MICAL2: variants seen among roughly 807,000 people sequenced by gnomAD.
MICAL2 encodes microtubule associated monooxygenase, calponin and LIM domain containing 2.
MICAL2 carries 77 observed loss-of-function variants against 127.3 expected under a neutral mutation model. That is an observed-to-expected ratio of 0.60 (90% CI 0.50 to 0.73). The LOEUF is 0.73. MICAL2 is among the 30% of genes least tolerant of loss of function. The pLI is 0.00. For synonymous variants in MICAL2, 570 were observed against 551.1 expected (o/e 1.03, Z -0.48); for missense variants, 1,351 against 1,434.4 (o/e 0.94, Z 0.94).
intron 8 of MICAL2, among the ~76,000 whole-genome samples, 182 bp from the exon 9 acceptor site, chr11:12,220,019 C>T (rs567390821): frequency 3.3e-5 from 5 of 152,316 alleles, no homozygotes; most frequent in South Asian, 2.1e-4. Flanking sequence ...TAATCACAAC[C>T]GTGTTAACCC....
intron 3 of MICAL2, among the ~76,000 whole-genome samples, chr11:12,163,401 TC>T (rs1211407957): frequency 6.6e-6 from 1 of 152,128 alleles, no homozygotes; most frequent in Admixed American, 6.6e-5. Flanking sequence ...CCGGTGCCAA[TC>T]CCGGGACAAG....
chr11:12,191,404 G>A (rs1237226328), intron 3 of MICAL2, among the ~76,000 whole-genome samples: 2 of 151,674 alleles, frequency 1.3e-5, no homozygotes, highest in Admixed American at 6.6e-5. Flanking sequence ...CCTGGAAGGC[G>A]GAGGTTGCAG....
At chr11:12,281,250 G>C (rs1333201809) in intron 2 of MICAL2, among the ~76,000 whole-genome samples, 1 of 152,204 alleles carries the variant, frequency 6.6e-6, no homozygotes, top group African/African-American at 2.4e-5. Context: ...GGAGTGGGAC[G>C]CAAGTGGCAG....
At chr11:12,339,927 C>T (rs1938832235) in intron 32 of MICAL2, among the ~76,000 whole-genome samples, 2 of 152,232 alleles carry the variant, frequency 1.3e-5, no homozygotes, top group Admixed American at 6.5e-5. Context: ...TGCCCGTTCT[C>T]AGTTCTCAAG....
At position 12,188,602 on chromosome 11, in the gene MICAL2, T is replaced by A. The variant is rs78906534; in HGVS notation, c.265-15648T>A. 5.9e-3 allele frequency among the ~76,000 whole-genome samples: 903 copies of A among 152,286 alleles called. 10 individuals are homozygous for A. The highest frequency in any genetic ancestry group is 0.021 in the African/African-American group (881 of 41,556). ...CCCAGTTCTATTGTATAGCACTGTT[T>A]TACTCTCACTTTTGATGAACCAATC... On this transcript the variant is annotated intron_variant, in intron 3 of 27. Transcript: ENST00000683283.
chr11:12,341,188 C>A (rs1267645189), intron 32 of MICAL2, among the ~76,000 whole-genome samples: 1 of 152,152 alleles, frequency 6.6e-6, no homozygotes, highest in Non-Finnish European at 1.5e-5. Context: ...AGGGGAGAGG[C>A]CCTGCACAGT....
intron 27 of MICAL2, 65 bp downstream of exon 27, chr11:12,262,602 G>T: frequency 7.5e-7 from 1 of 1,336,510 alleles, no homozygotes; most frequent in Non-Finnish European, 1.1e-6. Context: ...TCCGCACCCC[G>T]TCCTCTCCGC....
downstream of MICAL2, among the ~76,000 whole-genome samples, chr11:12,290,906 C>G (rs1863889778): frequency 6.6e-6 from 1 of 152,128 alleles, no homozygotes; most frequent in Non-Finnish European, 1.5e-5. Context: ...TGGGATGGGA[C>G]TTGGGTTTGG....
In MICAL2 at chr11:12,220,446, C is replaced by T. The variant is rs1188779878; in HGVS notation, c.1194C>T (p.Asp398=). 11 of 1,609,350 alleles carry T rather than the reference C, an allele frequency of 6.8e-6. No homozygotes were observed. The highest frequency in any genetic ancestry group is 9.3e-6 in the Non-Finnish European group (11 of 1,179,926). Residue 398 remains aspartate, a synonymous_variant, in exon 9 of 28, where the codon GAC becomes GAT. Transcript: ENST00000683283. ...AHQLLVALVG[D]SLLEPFWPMG... The stretch of plus-strand genomic sequence containing the variant: ...AGCTGCTCGTGGCCCTTGTGGGTGA[C>T]AGCTTGCTTGAGGTACTGCCTGAGC...
chr11:12,164,653 A>G (rs1216337797), intron 3 of MICAL2, among the ~76,000 whole-genome samples: 1 of 152,200 alleles, frequency 6.6e-6, no homozygotes, highest in Non-Finnish European at 1.5e-5. Flanking sequence ...AAAGGCTGGA[A>G]TCTGTCTCTT....
downstream of MICAL2, chr11:12,293,989 G>T: frequency 1.2e-6 from 2 of 1,614,206 alleles, no homozygotes; most frequent in Non-Finnish European, 1.7e-6. Context: ...TCACTCAGGA[G>T]CAGAAGACCA....
intron 32 of MICAL2, among the ~76,000 whole-genome samples, chr11:12,344,972 T>C (rs1453780161): frequency 2.6e-4 from 39 of 149,904 alleles, no homozygotes; most frequent in Non-Finnish European, 8.9e-5. Context: ...AATTAGCTGG[T>C]GTTGTGGTGG....
At chr11:12,132,114 A>C (rs1851466760) in intron 1 of MICAL2, among the ~76,000 whole-genome samples, 1 of 152,128 alleles carries the variant, frequency 6.6e-6, no homozygotes, top group African/African-American at 2.4e-5. Context: ...GCTCTGAGGC[A>C]ACACCCATCC....
chr11:12,186,210 G>A (rs1027635850), intron 3 of MICAL2, among the ~76,000 whole-genome samples: 11 of 152,204 alleles, frequency 7.2e-5, no homozygotes, highest in Non-Finnish European at 1.0e-4. Context: ...TCTTGCCTAC[G>A]CAGGAATAGG....
intron 4 of MICAL2, among the ~76,000 whole-genome samples, chr11:12,205,394 G>A (rs561402959): frequency 1.3e-5 from 2 of 152,262 alleles, no homozygotes; most frequent in East Asian, 3.9e-4. Context: ...AACACCTGCA[G>A]GATGTAAAAC....
At chr11:12,264,838 A>G (rs1400728492), downstream of MICAL2, among the ~76,000 whole-genome samples, 4 of 152,210 alleles carry the variant, frequency 2.6e-5, no homozygotes, top group African/African-American at 9.7e-5. Flanking sequence ...TGTTTGTCCT[A>G]GGCCTTATTC....
At chr11:12,120,430 G>A (rs1850409874) in intron 1 of MICAL2, among the ~76,000 whole-genome samples, 1 of 152,138 alleles carries the variant, frequency 6.6e-6, no homozygotes, top group African/African-American at 2.4e-5. Context: ...GCAGCTGCTG[G>A]GCTAGAGTCC....
At chr11:12,261,988 TC>T in intron 26 of MICAL2, 1 of 1,000,870 alleles carries the variant, frequency 1.0e-6, no homozygotes, top group South Asian at 4.4e-5. Context: ...TGTGGAGTGT[TC>T]CATGAAGCCC....
intron 29 of MICAL2, chr11:12,303,862 C>T (rs1037510748): frequency 5.3e-5 from 8 of 152,080 alleles, no homozygotes; most frequent in Non-Finnish European, 1.2e-4. Context: ...CATAAGGAGA[C>T]CCTGTCTCTA....
Sources: gnomAD v4.1 joint callset for allele counts (sites outside exome capture counted in the v4.1 genomes callset) on GRCh38, gnomAD v4.1.1 for gene constraint, MANE v1.5 for transcripts, NCBI Gene and HGNC (gene_info 2026-07-23, HGNC 2026-07-21) for gene names.